The following RPA2 variants were observed in gnomAD, a reference collection of about 807,000 sequenced individuals.
RPA2 encodes the protein replication protein A 32 kDa subunit.
Under a neutral mutation model 33.4 loss-of-function variants are expected in RPA2, and 22 were observed. The ratio of observed to expected loss-of-function variants is 0.66; its 90% CI spans 0.47 to 0.94. The LOEUF (loss-of-function observed/expected upper bound fraction) is 0.94. RPA2 is among the 40% of genes least tolerant of loss of function. The pLI is 0.00. For synonymous variants in RPA2, 109 were observed against 114.9 expected (o/e 0.95, Z 0.33); for missense variants, 279 against 329.9 (o/e 0.85, Z 1.19).
chr1:27,907,021 G>T lies in RPA2; in HGVS notation c.240C>A (p.Ile80=). 6.2e-7 allele frequency: 1 copy of T among 1,612,196 alleles called. No homozygotes were observed. The change falls in exon 4 of 9, where the codon ATC becomes ATA. Residue 80 remains isoleucine, a synonymous_variant. Transcript: ENST00000373912. ...EISQVTIVGI[I]RHAEKAPTNI... ...TGGTTGGAGCCTTCTCTGCATGTCT[G>T]ATGATCCCCACAATAGTGACCTAGG... is the stretch of plus-strand genomic sequence containing the variant.
At chr1:27,909,844 C>G (rs1307946748) in intron 2 of RPA2, among the ~76,000 whole-genome samples, 1 of 152,158 alleles carries the variant, frequency 6.6e-6, no homozygotes, top group Non-Finnish European at 1.5e-5. Flanking sequence ...TACTACCCAG[C>G]ACAAAGCACT....
chr1:27,898,786 T>C (rs537251170), intron 4 of RPA2, among the ~76,000 whole-genome samples: 1 of 152,260 alleles, frequency 6.6e-6, no homozygotes, highest in Non-Finnish European at 1.5e-5. Context: ...CTCGATCTCC[T>C]GACCTCATGA....
intron 6 of RPA2, among the ~76,000 whole-genome samples, chr1:27,896,188 ATTTTTC>A (rs775393085): frequency 2.6e-5 from 4 of 152,032 alleles, no homozygotes; most frequent in Non-Finnish European, 4.4e-5. Flanking sequence ...CGCAATAAAT[ATTTTTC>A]TTTTTCTTTA....
At chr1:27,899,111 G>A (rs2089929871) in intron 4 of RPA2, among the ~76,000 whole-genome samples, 1 of 152,084 alleles carries the variant, frequency 6.6e-6, no homozygotes, top group Non-Finnish European at 1.5e-5. Context: ...AGTGACTCAT[G>A]CCTGTAATCC....
chr1:27,909,357 C>T (rs28988913), intron 2 of RPA2, among the ~76,000 whole-genome samples: 2 of 152,284 alleles, frequency 1.3e-5, no homozygotes, highest in African/African-American at 4.8e-5. Flanking sequence ...CTCAGTCAAC[C>T]GCTGGCACAT....
intron 2 of RPA2, 117 bp downstream of exon 2, chr1:27,913,946 A>G (rs2090134096): frequency 1.0e-6 from 1 of 990,324 alleles, no homozygotes; most frequent in African/African-American, 1.6e-5. Flanking sequence ...ATAATAATAG[A>G]TCATTATCGC....
rs1476016273 is a variant in RPA2 at position 27,894,322 on chromosome 1, G to A, written c.601C>T (p.Pro201Ser). 2 of 1,614,136 alleles carry A rather than the reference G, an allele frequency of 1.2e-6. No homozygotes were observed. Among genetic ancestry groups the A allele is most frequent in the South Asian group, 1.1e-5 (1 of 91,078 alleles). Residue 201 changes from proline (P) to serine (S), a missense_variant, in exon 7 of 9, where the codon CCA becomes TCA. Physicochemically the swap from Pro to Ser is moderately conservative, Grantham distance 74 (BLOSUM62 -1). Coordinates refer to ENST00000373912, the MANE Select transcript of RPA2 (RefSeq NM_002946.5). ...TGGGCCACAGTGAGGCCATTTGCTGGCATGAAGCTATTCCCACCAAAGTTC... is the reference window on the plus strand; with the variant it reads ...TGGGCCACAGTGAGGCCATTTGCTGACATGAAGCTATTCCCACCAAAGTTC... ...AGNFGGNSFMPANGLTVAQNQ... is the reference protein window; with the variant it reads ...AGNFGGNSFMSANGLTVAQNQ...
chr1:27,893,958 G>A, intron 8 of RPA2, 54 bp downstream of exon 8: 3 of 1,460,024 alleles, frequency 2.1e-6, no homozygotes, highest in South Asian at 1.1e-5. Flanking sequence ...AAACCCTTGT[G>A]AGGTGAAATA....
chr1:27,892,652 A>G (rs894473571), intron 8 of RPA2, among the ~76,000 whole-genome samples: 1 of 152,226 alleles, frequency 6.6e-6, no homozygotes, highest in Non-Finnish European at 1.5e-5. Flanking sequence ...GGTCCCTCTC[A>G]GGGAAGTAAA....
intron 4 of RPA2, 79 bp downstream of exon 4, chr1:27,906,849 A>T: frequency 2.2e-6 from 2 of 918,248 alleles, no homozygotes; most frequent in Non-Finnish European, 3.3e-6. Flanking sequence ...TATAAGAAAA[A>T]ACTTTAAAAA....
chr1:27,914,697 C>A (rs759867443), upstream of RPA2: 18 of 1,609,948 alleles, frequency 1.1e-5, no homozygotes, highest in Non-Finnish European at 1.2e-5. Flanking sequence ...CAGTTGGCTC[C>A]AAAAGCCTCC....
chr1:27,911,580 A>C (rs183988467), intron 2 of RPA2, among the ~76,000 whole-genome samples: 1 of 152,298 alleles, frequency 6.6e-6, no homozygotes, highest in Admixed American at 6.5e-5. Context: ...ATAGAGAATT[A>C]AAGTCCCTTG....
intron 8 of RPA2, among the ~76,000 whole-genome samples, chr1:27,893,230 T>TA: frequency 6.6e-6 from 1 of 152,186 alleles, no homozygotes; most frequent in East Asian, 1.9e-4. Context: ...ATGTGATGGG[T>TA]AGCACCATTT....
intron 4 of RPA2, among the ~76,000 whole-genome samples, chr1:27,899,372 G>A (rs2089934959): frequency 6.6e-6 from 1 of 152,002 alleles, no homozygotes; most frequent in Admixed American, 6.6e-5. Flanking sequence ...AGGTGTGGTG[G>A]TGGGTGCCTG....
At chr1:27,898,780 A>G (rs2089924553) in intron 4 of RPA2, among the ~76,000 whole-genome samples, 1 of 151,980 alleles carries the variant, frequency 6.6e-6, no homozygotes. Context: ...GATGGTCTCG[A>G]TCTCCTGACC....
chr1:27,914,772 A>G (rs2148664738), upstream of RPA2: 1 of 1,180,714 alleles, frequency 8.5e-7, no homozygotes, highest in Non-Finnish European at 1.2e-6. Context: ...GCAGAGCGGT[A>G]TCGCAAGAAA....
rs56053346 is a variant in RPA2, at chr1:27,892,861, T to C, written c.729-614A>G. ...CAGGAAATGGAATCAGCCCTGAGCA[T>C]TTCTTATCTATCTAGGCCTGGCAGG... On this transcript the variant is annotated intron_variant, in intron 8 of 8. Coordinates refer to ENST00000373912, the MANE Select transcript of RPA2 (RefSeq NM_002946.5). Among the ~76,000 whole-genome samples the C allele has an allele frequency of 1.6e-4, 24 of 152,340 alleles. No individual in the cohort carries two copies. The East Asian group carries it at 4.2e-3, about 27-fold the overall frequency.
intron 5 of RPA2, 148 bp downstream of exon 5, chr1:27,897,485 G>T (rs199876864): frequency 1.9e-5 from 8 of 430,476 alleles, no homozygotes; most frequent in Admixed American, 4.4e-5. Flanking sequence ...AAAAAAAAAA[G>T]AAAAGTTATT....
At chr1:27,914,657 C>G, upstream of RPA2, 2 of 1,613,658 alleles carry the variant, frequency 1.2e-6, no homozygotes, top group Non-Finnish European at 1.7e-6. Flanking sequence ...TCTCCTCTGC[C>G]CATGCTCCAG....
Sources: allele counts gnomAD v4.1 joint callset (sites outside exome capture counted in the v4.1 genomes callset), GRCh38; gene constraint gnomAD v4.1.1; transcripts MANE v1.5; gene names NCBI Gene and HGNC (gene_info 2026-07-23, HGNC 2026-07-21).